Variants in NRXN3 observed in about 807,000 individuals in gnomAD.
The protein encoded by NRXN3 is neurexin III.
In NRXN3, 32 loss-of-function variants were observed where a neutral mutation model predicts 137.6. The observed-to-expected ratio is 0.23, with a 90% confidence interval of 0.18 to 0.31. The LOEUF is 0.31. Among genes scored for constraint, NRXN3 ranks in the 10% least tolerant of loss-of-function variants. The pLI, the probability that NRXN3 is intolerant of heterozygous loss-of-function variation, is 1.00. For missense variants in NRXN3, 1,574 were observed against 2,062.5 expected (o/e 0.76, Z 4.59); for synonymous variants, 798 against 784.5 (o/e 1.02, Z -0.29).
intron 10 of NRXN3, among the ~76,000 whole-genome samples, chr14:78,864,304 C>T (rs896722962): frequency 6.6e-6 from 1 of 152,064 alleles, no homozygotes; most frequent in Non-Finnish European, 1.5e-5. Flanking sequence ...AATCCCTAAC[C>T]ATGTAATCTT....
chr14:78,594,423 G>A (rs2097142705), intron 4 of NRXN3, among the ~76,000 whole-genome samples: 1 of 152,184 alleles, frequency 6.6e-6, no homozygotes, highest in Non-Finnish European at 1.5e-5. Flanking sequence ...GTTCTTCAAT[G>A]GGGATCTCTT....
At chr14:78,563,258 G>A (rs1253555621) in intron 4 of NRXN3, among the ~76,000 whole-genome samples, 4 of 152,196 alleles carry the variant, frequency 2.6e-5, no homozygotes, top group African/African-American at 9.6e-5. Flanking sequence ...GCAAGGCAAA[G>A]GGCTCTCCAA....
chr14:78,291,227 C>A lies in NRXN3; in HGVS notation c.728-6604C>A, dbSNP rs549637203. Among the ~76,000 whole-genome samples the A allele has an allele frequency of 5.3e-5, 8 of 152,304 alleles. No individual in the cohort carries two copies. In the South Asian group the frequency reaches 1.7e-3, roughly 32 times the overall value. On this transcript the variant is annotated intron_variant, in intron 3 of 20. Transcript: ENST00000335750. ...CTGCTGGTGCAGAGTCCTCACTTCACCCCTCACTAAGGTAGTGTGACTTTA... is the reference window on the plus strand; with the variant it reads ...CTGCTGGTGCAGAGTCCTCACTTCAACCCTCACTAAGGTAGTGTGACTTTA...
intron 20 of NRXN3, among the ~76,000 whole-genome samples, chr14:79,859,683 T>C (rs1168600518): frequency 6.6e-6 from 1 of 152,114 alleles, no homozygotes; most frequent in African/African-American, 2.4e-5. Flanking sequence ...ACTCAAACAC[T>C]GATTATACTA....
chr14:79,817,770 C>T (rs1272923655), intron 20 of NRXN3, among the ~76,000 whole-genome samples: 1 of 152,062 alleles, frequency 6.6e-6, no homozygotes, highest in Non-Finnish European at 1.5e-5. Context: ...TGCCGGCCTC[C>T]TTGATAATAA....
intron 10 of NRXN3, among the ~76,000 whole-genome samples, chr14:78,834,567 C>A (rs2152417841): frequency 6.6e-6 from 1 of 152,078 alleles, no homozygotes; most frequent in South Asian, 2.1e-4. Context: ...CTTGCGTGGC[C>A]CTTGCAGTGT....
chr14:78,767,788 A>C (rs2098713670), intron 8 of NRXN3, among the ~76,000 whole-genome samples: 1 of 152,178 alleles, frequency 6.6e-6, no homozygotes, highest in Non-Finnish European at 1.5e-5. Context: ...AAAGTGTTAT[A>C]ACACCTATTC....
At position 78,977,756 on chromosome 14, in the gene NRXN3, A is replaced by G. The variant is rs931493538; in HGVS notation, c.3142+9410A>G. On this transcript the variant is annotated intron_variant, in intron 14 of 20. Transcript: ENST00000335750. ...TCTTTTTAGATCATTGACCATCAAGAGCAGTGCTGTGCTAGAGCTGGCACT... is the reference window on the plus strand; with the variant it reads ...TCTTTTTAGATCATTGACCATCAAGGGCAGTGCTGTGCTAGAGCTGGCACT... Among the ~76,000 whole-genome samples the G allele has an allele frequency of 3.3e-5, 5 of 152,322 alleles. No individual in the cohort carries two copies. In the South Asian group the frequency reaches 1.0e-3, roughly 32 times the overall value.
Position 78,398,002 on chromosome 14 carries a change from G to T in NRXN3, c.757+100142G>T, listed in dbSNP as rs1378937152. Among the ~76,000 whole-genome samples, 5 of 150,482 alleles carry T rather than the reference G, an allele frequency of 3.3e-5. No individual in the cohort carries two copies. The South Asian group carries it at 8.5e-4, about 26-fold the overall frequency. On this transcript the variant is annotated intron_variant, in intron 4 of 20. Transcript: ENST00000335750. ...GGCTGAGGTGGGCAGATCACCTGAG[G>T]TCAGGAGTTCGAGACAAGCCTGGCT...
intron 14 of NRXN3, among the ~76,000 whole-genome samples, chr14:78,969,732 A>G (rs2099430296): frequency 6.6e-6 from 1 of 151,910 alleles, no homozygotes; most frequent in Admixed American, 6.6e-5. Flanking sequence ...AGGAATGTTC[A>G]TTCCTATAAC....
intron 4 of NRXN3, among the ~76,000 whole-genome samples, chr14:78,491,887 C>T (rs1026005027): frequency 6.6e-6 from 1 of 152,122 alleles, no homozygotes; most frequent in Admixed American, 6.5e-5. Flanking sequence ...TTACTAATTT[C>T]TCTCTCAAAT....
intron 20 of NRXN3, among the ~76,000 whole-genome samples, chr14:79,826,016 G>A (rs1236815901): frequency 1.3e-5 from 2 of 151,616 alleles, no homozygotes; most frequent in Admixed American, 6.6e-5. Flanking sequence ...TTTTTGTGGG[G>A]GGACAGTCTC....
intron 20 of NRXN3, among the ~76,000 whole-genome samples, chr14:79,822,077 A>T (rs1347928959): frequency 6.6e-6 from 1 of 152,156 alleles, no homozygotes; most frequent in Non-Finnish European, 1.5e-5. Flanking sequence ...ACAACTCTGT[A>T]TTATTTTAGT....
intron 15 of NRXN3, among the ~76,000 whole-genome samples, chr14:79,239,702 T>C (rs1324861163): frequency 1.3e-5 from 2 of 152,182 alleles, no homozygotes; most frequent in Admixed American, 1.3e-4. Context: ...ATCTGCACTC[T>C]CATGTTCATT....
At chr14:79,401,271 A>C (rs1369899363) in intron 15 of NRXN3, among the ~76,000 whole-genome samples, 1 of 152,324 alleles carries the variant, frequency 6.6e-6, no homozygotes, top group Non-Finnish European at 1.5e-5. Context: ...CCTGAATTAC[A>C]TATTTATGTG....
At chr14:78,498,142 T>G (rs2095819275) in intron 4 of NRXN3, among the ~76,000 whole-genome samples, 2 of 152,146 alleles carry the variant, frequency 1.3e-5, no homozygotes, top group Admixed American at 6.6e-5. Context: ...CCTGTATATA[T>G]TTCATGGAAT....
At chr14:79,268,485 C>A (rs2078785405) in intron 15 of NRXN3, among the ~76,000 whole-genome samples, 1 of 152,198 alleles carries the variant, frequency 6.6e-6, no homozygotes, top group African/African-American at 2.4e-5. Flanking sequence ...GCACATTGGG[C>A]AACCTATCAG....
chr14:79,488,688 T>C (rs1460680710), intron 16 of NRXN3, among the ~76,000 whole-genome samples: 1 of 152,208 alleles, frequency 6.6e-6, no homozygotes, highest in African/African-American at 2.4e-5. Context: ...ATTGGGTCAT[T>C]GACCAGAAAC....
intron 1 of NRXN3, among the ~76,000 whole-genome samples, chr14:78,209,205 G>A (rs1215593863): frequency 6.6e-6 from 1 of 152,144 alleles, no homozygotes; most frequent in Non-Finnish European, 1.5e-5. Context: ...GTGTGAGGGG[G>A]GCCTGAGACC....
Sources: gnomAD v4.1 joint callset for allele counts (sites outside exome capture counted in the v4.1 genomes callset) on GRCh38, gnomAD v4.1.1 for gene constraint, MANE v1.5 for transcripts, NCBI Gene and HGNC (gene_info 2026-07-23, HGNC 2026-07-21) for gene names.